MORF4L2: variants seen among roughly 807,000 people sequenced by gnomAD.
MORF4L2 encodes the protein mortality factor 4-like protein 2.
MORF4L2 carries 1 observed loss-of-function variant against 12.0 expected under a neutral mutation model. The observed-to-expected ratio is 0.08, with a 90% CI of 0.03 to 0.40. MORF4L2 has a LOEUF of 0.40. MORF4L2 is among the 10% of genes least tolerant of loss of function. MORF4L2 has a pLI of 0.98. For synonymous variants in MORF4L2, 69 were observed against 81.6 expected (o/e 0.85, Z 0.83); for missense variants, 123 against 214.0 (o/e 0.57, Z 2.65).
At chrX:103,686,560 T>G (rs1004888452) in intron 1 of MORF4L2, 71 bp downstream of exon 1, 2 of 111,017 alleles carry the variant, frequency 1.8e-5, no homozygotes, top group Non-Finnish European at 3.8e-5. Flanking sequence ...GTGAAGGCAC[T>G]AGGTAATCCC....
chrX:103,681,198 C>G (rs1435920555), intron 2 of MORF4L2, among the ~76,000 whole-genome samples: 2 of 111,752 alleles, frequency 1.8e-5, no homozygotes, highest in African/African-American at 6.5e-5. Context: ...TACAGGTCAG[C>G]TCTAGGGTAA....
chrX:103,676,454 C>T lies in MORF4L2; in HGVS notation c.574G>A (p.Val192Met). The change falls in exon 4 of 4, where the codon GTG becomes ATG. Residue 192 changes from valine (V) to methionine (M), a missense_variant. Coordinates refer to ENST00000441076, the MANE Select transcript of MORF4L2 (RefSeq NM_012286.3). ...TAGAGCAGCTGAGTGCCCAACATCACATTGAAATATTCTTTTATTCCTGCC... is the reference window on the plus strand; with the variant it reads ...TAGAGCAGCTGAGTGCCCAACATCATATTGAAATATTCTTTTATTCCTGCC... Reference protein sequence around the residue: ...VVAGIKEYFNVMLGTQLLYKF... With the variant: ...VVAGIKEYFNMMLGTQLLYKF... 8.3e-7 allele frequency: 1 copy of T among 1,211,612 alleles called. No homozygotes were observed. Among genetic ancestry groups the T allele is most frequent in the Non-Finnish European group, 1.1e-6 (1 of 895,449 alleles).
At chrX:103,684,782 G>A (rs1453026440) in intron 2 of MORF4L2, 1 of 112,053 alleles carries the variant, frequency 8.9e-6, no homozygotes, top group Non-Finnish European at 1.9e-5. Flanking sequence ...GAGGAACTTA[G>A]GTATAAAGTG....
At chrX:103,687,608 G>T (rs2147711568), upstream of MORF4L2, 1 of 112,446 alleles carries the variant, frequency 8.9e-6, no homozygotes, top group African/African-American at 3.2e-5. Context: ...CTAATGAAAA[G>T]GAAAATAAAT....
chrX:103,687,299 A>G (rs1349322026), upstream of MORF4L2: 2 of 111,920 alleles, frequency 1.8e-5, no homozygotes, highest in South Asian at 3.6e-4. Context: ...AACACGGAAA[A>G]AAAAGGCGCA....
intron 2 of MORF4L2, among the ~76,000 whole-genome samples, chrX:103,679,506 C>T (rs1363842539): frequency 9.3e-6 from 1 of 107,796 alleles, no homozygotes; most frequent in Non-Finnish European, 1.9e-5. Context: ...GCCTGGGCGA[C>T]AGAGACTCCA....
intron 2 of MORF4L2, among the ~76,000 whole-genome samples, chrX:103,683,495 A>T (rs2074034895): frequency 8.9e-6 from 1 of 112,645 alleles, no homozygotes; most frequent in East Asian, 2.7e-4. Context: ...AACACTTGTA[A>T]ATGGATGGCT....
At chrX:103,679,386 G>C (rs1286693649) in intron 2 of MORF4L2, among the ~76,000 whole-genome samples, 1 of 106,797 alleles carries the variant, frequency 9.4e-6, no homozygotes, top group Admixed American at 1.0e-4. Context: ...GGGCATGGTG[G>C]TGCACGCCTG....
intron 3 of MORF4L2, among the ~76,000 whole-genome samples, chrX:103,677,786 A>G (rs1429022203): frequency 8.9e-6 from 1 of 112,042 alleles, no homozygotes; most frequent in Non-Finnish European, 1.9e-5. Context: ...TTATAAAACG[A>G]TAAGGTTAGT....
intron 3 of MORF4L2, among the ~76,000 whole-genome samples, chrX:103,677,942 T>C (rs926917937): frequency 9.0e-6 from 1 of 110,805 alleles, no homozygotes; most frequent in Non-Finnish European, 1.9e-5. Flanking sequence ...GTGATTAGGT[T>C]ATTAGTATTA....
upstream of MORF4L2, chrX:103,688,046 T>C (rs1224620376): frequency 9.0e-6 from 1 of 111,359 alleles, no homozygotes; most frequent in South Asian, 3.8e-4. Context: ...ATACGCACTG[T>C]TAATTTTCCA....
chrX:103,684,872 TA>T (rs950723639), intron 2 of MORF4L2: 2 of 112,399 alleles, frequency 1.8e-5, no homozygotes, highest in Admixed American at 9.4e-5. Flanking sequence ...TCTTAACCAC[TA>T]AACTATGCTG....
chrX:103,681,101 G>A (rs2073974563), intron 2 of MORF4L2, among the ~76,000 whole-genome samples: 1 of 111,603 alleles, frequency 9.0e-6, no homozygotes, highest in South Asian at 3.8e-4. Flanking sequence ...TGTGAATTGG[G>A]GTGGAGGGGG....
chrX:103,678,971 T>C (rs1036883005), intron 2 of MORF4L2, among the ~76,000 whole-genome samples: 6 of 111,902 alleles, frequency 5.4e-5, no homozygotes, highest in African/African-American at 1.3e-4. Context: ...GCGGGAATAT[T>C]TGCACATGGA....
rs1004025344 is a variant in MORF4L2 at position 103,678,620 on chromosome X, T to A, written c.-146A>T. 1 of 111,963 alleles carries A rather than the reference T, an allele frequency of 8.9e-6. No homozygotes were observed. The highest frequency in any genetic ancestry group is 3.3e-5 in the African/African-American group (1 of 30,736). The allele number at this position is 111,963 out of a possible 1,213,427, so 9.2% of individuals were successfully genotyped here. A position where few individuals can be genotyped will look rare whatever the true frequency, so the allele number is the denominator to read the frequency against. On this transcript the variant is annotated 5_prime_UTR_variant, in exon 3 of 4. Coordinates refer to ENST00000441076, the MANE Select transcript of MORF4L2 (RefSeq NM_012286.3). ...TACAACCTAGAAAGAAAGGCAGGTA[T>A]CTGCAATGAAGATGAACTTTTGTGA...
chrX:103,676,506 A>G lies in MORF4L2; in HGVS notation c.522T>C (p.Asn174=), dbSNP rs1327538736. 4 of 1,210,777 alleles carry G rather than the reference A, an allele frequency of 3.3e-6. No individual in the cohort carries two copies. Among genetic ancestry groups the G allele is most frequent in the Non-Finnish European group, 4.5e-6 (4 of 895,256 alleles). Residue 174 remains asparagine, a synonymous_variant, in exon 4 of 4, where the codon AAT becomes AAC. Coordinates refer to ENST00000441076, the MANE Select transcript of MORF4L2 (RefSeq NM_012286.3). ...CAACTTCATTAACCGCATATTCCTT[A>G]TTATCAACATTTCCCTGCGATTTCT... The part of the protein sequence containing the change: ...NCKKSQGNVD[N]KEYAVNEVVA...
At chrX:103,679,860 C>CAAAA (rs1157909391) in intron 2 of MORF4L2, among the ~76,000 whole-genome samples, 19 of 47,726 alleles carry the variant, frequency 4.0e-4, no homozygotes, top group Non-Finnish European at 4.8e-4. Context: ...CACCTGTGGG[C>CAAAA]AAAAAAAAAA....
chrX:103,675,519 A>G lies in MORF4L2; in HGVS notation c.*642T>C, dbSNP rs759695368. 2.6e-5 allele frequency: 3 copies of G among 113,240 alleles called. No homozygotes were observed. The highest frequency in any genetic ancestry group is 5.6e-5 in the Non-Finnish European group (3 of 53,436). The allele number at this position is 113,240 out of a possible 1,213,427, so 9.3% of individuals were successfully genotyped here. ...TTACTTGCTTTGAAATTTAGAAACA[A>G]ATTTTATTTAAGATCTGAAATACAA... On this transcript the variant is annotated 3_prime_UTR_variant, in exon 4 of 4. Coordinates refer to ENST00000441076, the MANE Select transcript of MORF4L2 (RefSeq NM_012286.3).
intron 1 of MORF4L2, 27 bp downstream of exon 1, chrX:103,686,604 C>A (rs772946072): frequency 2.7e-5 from 3 of 110,014 alleles, no homozygotes; most frequent in African/African-American, 1.0e-4. Context: ...AATCATCGAC[C>A]CTTTCTCCCC....
Sources: allele counts gnomAD v4.1 joint callset (sites outside exome capture counted in the v4.1 genomes callset), GRCh38; gene constraint gnomAD v4.1.1; transcripts MANE v1.5; gene names NCBI Gene and HGNC (gene_info 2026-07-23, HGNC 2026-07-21).